Variants in EDARADD observed in about 807,000 individuals in gnomAD.
EDARADD encodes ectodysplasin-A receptor-associated adapter protein.
EDARADD carries 20 observed loss-of-function variants against 25.6 expected under a neutral mutation model. The ratio of observed to expected loss-of-function variants is 0.78; its 90% CI spans 0.55 to 1.14. The LOEUF (loss-of-function observed/expected upper bound fraction) is 1.14, where lower values mean the gene tolerates loss of function less well. Among genes scored for constraint, EDARADD ranks in the 50% most tolerant of loss-of-function variants. The pLI, the probability that EDARADD is intolerant of heterozygous loss-of-function variation, is 0.00. For synonymous variants in EDARADD, 86 were observed against 94.4 expected, an observed-to-expected ratio of 0.91 and a Z score of 0.52; for missense variants, 225 against 270.1, an observed-to-expected ratio of 0.83 and a Z score of 1.17.
At chr1:236,460,233 G>A (rs1349191113) in intron 4 of EDARADD, among the ~76,000 whole-genome samples, 1 of 146,778 alleles carries the variant, frequency 6.8e-6, no homozygotes, top group Non-Finnish European at 1.5e-5. Flanking sequence ...CACCCAGGCT[G>A]GAGTGTAATG....
intron 2 of EDARADD, among the ~76,000 whole-genome samples, chr1:236,349,364 T>C (rs1346942784): frequency 6.6e-6 from 1 of 152,192 alleles, no homozygotes; most frequent in East Asian, 1.9e-4. Flanking sequence ...TTAAGAGATT[T>C]ATTCTCTTAA....
intron 1 of EDARADD, among the ~76,000 whole-genome samples, chr1:236,403,661 C>T (rs1293909085): frequency 1.3e-5 from 2 of 152,114 alleles, no homozygotes; most frequent in African/African-American, 4.8e-5. Flanking sequence ...TACTACTCAC[C>T]ACTCACGGAC....
intron 4 of EDARADD, among the ~76,000 whole-genome samples, chr1:236,436,572 A>G (rs1193797102): frequency 7.5e-6 from 1 of 132,624 alleles, no homozygotes; most frequent in African/African-American, 2.8e-5. Flanking sequence ...GGCTGCAGTG[A>G]GCCGTGATTG....
At chr1:236,469,389 C>T (rs1373837880) in intron 5 of EDARADD, among the ~76,000 whole-genome samples, 8 of 152,102 alleles carry the variant, frequency 5.3e-5, no homozygotes, top group Admixed American at 5.2e-4. Context: ...CAGAGAATTG[C>T]TTGAACCCGG....
At chr1:236,397,847 A>G (rs1397694769) in intron 1 of EDARADD, among the ~76,000 whole-genome samples, 1 of 152,160 alleles carries the variant, frequency 6.6e-6, no homozygotes, top group East Asian at 1.9e-4. Flanking sequence ...ACAGGCGCAC[A>G]CACACACCCC....
chr1:236,475,313 C>A (rs1234846912), intron 5 of EDARADD, among the ~76,000 whole-genome samples: 1 of 152,168 alleles, frequency 6.6e-6, no homozygotes, highest in African/African-American at 2.4e-5. Context: ...TATAGCAGGA[C>A]AAAATGTATT....
In EDARADD at chr1:236,483,380, T is replaced by C. The variant is rs1046122846; in HGVS notation, c.*731T>C. 1 of 1,411,804 alleles carries C rather than the reference T, an allele frequency of 7.1e-7. No homozygotes were observed. Among genetic ancestry groups the C allele is most frequent in the African/African-American group, 1.4e-5 (1 of 70,684 alleles). The allele number at this position is 1,411,804 out of a possible 1,614,324, so 87.5% of individuals were successfully genotyped here. ...AGCCTGTTGAGCCCATCAATAAAACTATTGCACCTGTCCTGGTTAGCAAGA... is the reference window on the plus strand; with the variant it reads ...AGCCTGTTGAGCCCATCAATAAAACCATTGCACCTGTCCTGGTTAGCAAGA... On this transcript the variant is annotated 3_prime_UTR_variant, in exon 6 of 6. Transcript: ENST00000334232.
chr1:236,458,314 G>A (rs1040283805), intron 4 of EDARADD, among the ~76,000 whole-genome samples: 3 of 151,988 alleles, frequency 2.0e-5, no homozygotes, highest in African/African-American at 4.8e-5. Context: ...GTGCTGTGGG[G>A]TATCATTAAA....
chr1:236,462,808 A>G (rs1374912760), intron 4 of EDARADD, among the ~76,000 whole-genome samples: 1 of 152,216 alleles, frequency 6.6e-6, no homozygotes, highest in Non-Finnish European at 1.5e-5. Flanking sequence ...TCACAATGAG[A>G]AAGTTTTACA....
At position 236,398,652 on chromosome 1, in the gene EDARADD, G is replaced by T. The variant is rs1218661658; in HGVS notation, c.61+4147G>T. ...GTGCCTCCTGGCCTTTGCAAACTTT[G>T]TTCCTGCGGCCTGGAAGGACCCCTG... is the stretch of plus-strand genomic sequence containing the variant. On this transcript the variant is annotated intron_variant, in intron 1 of 5. Transcript: ENST00000334232. This position sits in a 1 kb window ranked among gnomAD's most constrained non-coding sequence, Gnocchi z 4.1. Among the ~76,000 whole-genome samples the T allele has an allele frequency of 6.6e-6, 1 of 152,082 alleles. No homozygotes were observed.
At chr1:236,385,408 C>CAAA (rs1164948283) in intron 3 of EDARADD, among the ~76,000 whole-genome samples, 1 of 35,402 alleles carries the variant, frequency 2.8e-5, no homozygotes, top group African/African-American at 8.4e-5. Context: ...GACTCCATCT[C>CAAA]AAAAAAAAAA....
intron 3 of EDARADD, among the ~76,000 whole-genome samples, chr1:236,362,285 T>C (rs1667060035): frequency 6.6e-6 from 1 of 152,230 alleles, no homozygotes; most frequent in African/African-American, 2.4e-5. Flanking sequence ...TTAATTTGCA[T>C]GTATGGAACA....
intron 3 of EDARADD, among the ~76,000 whole-genome samples, chr1:236,360,314 T>C (rs911901971): frequency 1.3e-5 from 2 of 151,396 alleles, no homozygotes; most frequent in Admixed American, 1.3e-4. Flanking sequence ...AGCTAGATCC[T>C]GTCTTAAAAA....
At position 236,398,935 on chromosome 1, in the gene EDARADD, A is replaced by G. The variant is rs1667567222; in HGVS notation, c.61+4430A>G. 6.6e-6 allele frequency among the ~76,000 whole-genome samples: 1 copy of G among 152,204 alleles called. No individual in the cohort carries two copies. The highest frequency in any genetic ancestry group is 1.5e-5 in the Non-Finnish European group (1 of 68,036). On this transcript the variant is annotated intron_variant, in intron 1 of 5. Transcript: ENST00000334232. The surrounding 1 kb of genome is among the most constrained non-coding windows in gnomAD (Gnocchi z 4.1). ...TAACACTCAGCATAGTACTCCGCAC[A>G]TAGTAAGCCCTGGGCAAATACCACC...
chr1:236,420,257 C>A (rs1399817872), intron 3 of EDARADD, among the ~76,000 whole-genome samples: 3 of 152,186 alleles, frequency 2.0e-5, no homozygotes, highest in Non-Finnish European at 2.9e-5. Context: ...TCAATCAATC[C>A]CTCACTTCAT....
chr1:236,393,333 G>GT (rs1427367692), upstream of EDARADD, among the ~76,000 whole-genome samples: 5 of 149,500 alleles, frequency 3.3e-5, no homozygotes, highest in African/African-American at 1.2e-4. Context: ...CTGAGATTGA[G>GT]TGTTTGGGTA....
At chr1:236,431,688 G>A (rs1340639492) in intron 4 of EDARADD, among the ~76,000 whole-genome samples, 3 of 49,820 alleles carry the variant, frequency 6.0e-5, no homozygotes, top group East Asian at 3.4e-4. Context: ...TTGGGAGGCC[G>A]AGGCGGGTGG....
intron 2 of EDARADD, 89 bp downstream of exon 2, chr1:236,409,363 A>C (rs952436537): frequency 9.5e-7 from 1 of 1,053,670 alleles, no homozygotes; most frequent in Non-Finnish European, 1.5e-6. Flanking sequence ...CTCAGTATTT[A>C]CATGTGCATC....
At chr1:236,476,800 C>T (rs1024832377) in intron 5 of EDARADD, among the ~76,000 whole-genome samples, 2 of 152,110 alleles carry the variant, frequency 1.3e-5, no homozygotes, top group African/African-American at 4.8e-5. Context: ...ACTGGGATTA[C>T]AGGCGTGAGC....
Sources: gnomAD v4.1 joint callset for allele counts (sites outside exome capture counted in the v4.1 genomes callset) on GRCh38, gnomAD v4.1.1 for gene constraint, Gnocchi (gnomAD v3.1) non-coding constraint, MANE v1.5 for transcripts, NCBI Gene and HGNC (gene_info 2026-07-23, HGNC 2026-07-21) for gene names.